Variants in ABLIM2 observed in about 807,000 individuals in gnomAD.
ABLIM2 encodes actin binding LIM protein family member 2, also known as actin-binding LIM protein 2.
In ABLIM2, 53 loss-of-function variants were observed where a neutral mutation model predicts 97.7. The ratio of observed to expected loss-of-function variants is 0.54; its 90% confidence interval spans 0.44 to 0.68. The LOEUF (loss-of-function observed/expected upper bound fraction) is 0.68, where lower values mean the gene tolerates loss of function less well. ABLIM2 is among the 30% of genes least tolerant of loss of function. The probability of loss-of-function intolerance (pLI) is 0.00; values close to 1 mark genes in which losing one functional copy is unlikely to be tolerated. For missense variants in ABLIM2, 835 were observed against 867.2 expected (o/e 0.96, Z 0.47); for synonymous variants, 361 against 345.8 (o/e 1.04, Z -0.49).
intron 1 of ABLIM2, among the ~76,000 whole-genome samples, chr4:8,111,171 A>G (rs1840113172): frequency 6.6e-6 from 1 of 152,246 alleles, no homozygotes; most frequent in Non-Finnish European, 1.5e-5. Context: ...CAACAAAAAG[A>G]AGCATGCCAT....
chr4:8,036,065 G>C (rs1468370573), intron 10 of ABLIM2, 84 bp downstream of exon 10: 4 of 1,515,260 alleles, frequency 2.6e-6, no homozygotes, highest in Middle Eastern at 2.0e-4. Context: ...TGGCCCCATA[G>C]GACACATGCT....
intron 7 of ABLIM2, 56 bp downstream of exon 7, chr4:8,060,911 A>C (rs6853485): frequency 0.85 from 1,218,140 of 1,437,780 alleles, 517,582 homozygotes; most frequent in East Asian, 0.99. Context: ...GTGTGTGGAC[A>C]TCGAAGAGGG....
Position 8,080,786 on chromosome 4 carries a change from G to A in ABLIM2, c.471C>T (p.Gly157=). The A allele has an allele frequency of 6.2e-7, 1 of 1,608,298 alleles. No individual in the cohort carries two copies. Among genetic ancestry groups the A allele is most frequent in the Non-Finnish European group, 8.5e-7 (1 of 1,176,462 alleles). ...GGGCCTGGCCATTCTTGATTTCTGTGCCGCAGCCCCCACAACCTGGAAGAA... is the reference window on the plus strand; with the variant it reads ...GGGCCTGGCCATTCTTGATTTCTGTACCGCAGCCCCCACAACCTGGAAGAA... ...SQGLRSCGGC[G]TEIKNGQALV... Residue 157 remains glycine, a synonymous_variant, in exon 5 of 21, where the codon GGC becomes GGT. Transcript: ENST00000447017.
rs945266684 is a variant in ABLIM2 at position 8,003,935 on chromosome 4, G to A, written c.1618+4124C>T. 6.6e-6 allele frequency among the ~76,000 whole-genome samples: 1 copy of A among 152,070 alleles called. No homozygotes were observed. Among genetic ancestry groups the A allele is most frequent in the African/African-American group, 2.4e-5 (1 of 41,400 alleles). On this transcript the variant is annotated intron_variant, in intron 16 of 20. Coordinates refer to ENST00000447017, the MANE Select transcript of ABLIM2 (RefSeq NM_001130083.2). This position sits in a 1 kb window ranked among gnomAD's most constrained non-coding sequence, Gnocchi z 4.2. ...CTCACGTCTCTAAGCCTGAGGCCAG[G>A]TGCCCTGCCCGTCCCACCAGATATC...
chr4:8,125,730 C>T lies in ABLIM2; in HGVS notation c.11-19093G>A, dbSNP rs187659473. 5.3e-5 allele frequency among the ~76,000 whole-genome samples: 8 copies of T among 152,332 alleles called. No individual in the cohort carries two copies. Among genetic ancestry groups the T allele is most frequent in the Non-Finnish European group, 1.0e-4 (7 of 68,026 alleles). On this transcript the variant is annotated intron_variant, in intron 1 of 20. Transcript: ENST00000447017. This position sits in a 1 kb window ranked among gnomAD's most constrained non-coding sequence, Gnocchi z 6.2. ...CGCAGACTCAGCTGAGCTGGAGAGG[C>T]CCGCCCAGCCTCTGCCATGGAAACT...
intron 1 of ABLIM2, among the ~76,000 whole-genome samples, chr4:8,145,810 A>G (rs1851709148): frequency 6.6e-6 from 1 of 151,046 alleles, no homozygotes; most frequent in South Asian, 2.1e-4. Flanking sequence ...TGCTTGTAAC[A>G]TGTCAATACC....
chr4:8,126,015 CA>C (rs1331653998), intron 1 of ABLIM2, among the ~76,000 whole-genome samples: 1 of 152,180 alleles, frequency 6.6e-6, no homozygotes, highest in East Asian at 1.9e-4. Flanking sequence ...ATGGGCAGGG[CA>C]GTGTCTCCTC....
chr4:8,073,952 T>G (rs1049857387), intron 6 of ABLIM2, among the ~76,000 whole-genome samples: 1 of 151,900 alleles, frequency 6.6e-6, no homozygotes, highest in Admixed American at 6.6e-5. Context: ...CCAGGCGTGG[T>G]GGCTCACGCC....
intron 17 of ABLIM2, among the ~76,000 whole-genome samples, chr4:7,991,861 G>T (rs1356848049): frequency 6.6e-6 from 1 of 152,166 alleles, no homozygotes; most frequent in East Asian, 1.9e-4. Context: ...GACACCCACG[G>T]CTTCTGGAGA....
Position 8,120,917 on chromosome 4 carries a change from C to A in ABLIM2, c.11-14280G>T, listed in dbSNP as rs533659186. Among the ~76,000 whole-genome samples the A allele has an allele frequency of 2.6e-5, 4 of 152,290 alleles. No homozygotes were observed. Among genetic ancestry groups the A allele is most frequent in the African/African-American group, 9.6e-5 (4 of 41,558 alleles). On this transcript the variant is annotated intron_variant, in intron 1 of 20. Coordinates refer to ENST00000447017, the MANE Select transcript of ABLIM2 (RefSeq NM_001130083.2). The surrounding 1 kb of genome is among the most constrained non-coding windows in gnomAD (Gnocchi z 5.6). ...ACCGTCTCACGTAAGAGTACTGTAC[C>A]GCAGATTGCTAGCTCAGAGAAAGAT...
chr4:8,029,470 T>A (rs1779446434), intron 11 of ABLIM2, among the ~76,000 whole-genome samples, 186 bp downstream of exon 11: 1 of 151,920 alleles, frequency 6.6e-6, no homozygotes, highest in Admixed American at 6.6e-5. Flanking sequence ...GAGGTCCTTT[T>A]CTTTATGCCA....
At chr4:7,981,422 T>C (rs1256025593) in intron 20 of ABLIM2, among the ~76,000 whole-genome samples, 2 of 152,228 alleles carry the variant, frequency 1.3e-5, no homozygotes, top group Admixed American at 6.5e-5. Context: ...CATGTATTGA[T>C]TGATGTCTTC....
chr4:8,091,555 T>G (rs1828162378), intron 3 of ABLIM2, among the ~76,000 whole-genome samples: 1 of 43,720 alleles, frequency 2.3e-5, no homozygotes, highest in South Asian at 6.5e-4. Context: ...ATATTTATAA[T>G]TATATATATT....
chr4:8,024,494 G>A (rs1231243650), intron 12 of ABLIM2, among the ~76,000 whole-genome samples: 1 of 152,208 alleles, frequency 6.6e-6, no homozygotes, highest in Admixed American at 6.5e-5. Context: ...AGGGGCCAGA[G>A]ACGCCAGAGG....
chr4:8,154,283 T>A (rs1430035319), intron 1 of ABLIM2, among the ~76,000 whole-genome samples: 2 of 41,496 alleles, frequency 4.8e-5, no homozygotes. Context: ...TTTCTTTTCT[T>A]TTTTTTTTTT....
chr4:8,061,353 C>T lies in ABLIM2; in HGVS notation c.676-299G>A, dbSNP rs575096404. On this transcript the variant is annotated intron_variant, in intron 6 of 20. Coordinates refer to ENST00000447017, the MANE Select transcript of ABLIM2 (RefSeq NM_001130083.2). This position sits in a 1 kb window ranked among gnomAD's most constrained non-coding sequence, Gnocchi z 4.5. ...GTCCAGGAGGGGTCAGCCTCCTTTA[C>T]CAGGCGGCATCCAGAGAGAGGTCTT... Among the ~76,000 whole-genome samples, 53 of 152,108 alleles carry T rather than the reference C, an allele frequency of 3.5e-4. No individual in the cohort carries two copies. Among genetic ancestry groups the T allele is most frequent in the Non-Finnish European group, 7.2e-4 (49 of 68,012 alleles).
intron 9 of ABLIM2, among the ~76,000 whole-genome samples, chr4:8,037,071 G>A (rs1172902441): frequency 6.6e-6 from 1 of 152,092 alleles, no homozygotes; most frequent in East Asian, 1.9e-4. Flanking sequence ...CAAATGTTGG[G>A]TAAATCGATG....
intron 16 of ABLIM2, among the ~76,000 whole-genome samples, chr4:8,006,686 G>GAT (rs1560557289): frequency 2.0e-5 from 3 of 152,194 alleles, no homozygotes; most frequent in Non-Finnish European, 4.4e-5. Flanking sequence ...ACCAGCCAGG[G>GAT]GCAGGGATTC....
intron 16 of ABLIM2, among the ~76,000 whole-genome samples, chr4:8,006,738 T>A (rs1056450448): frequency 3.3e-5 from 5 of 152,184 alleles, no homozygotes; most frequent in Non-Finnish European, 5.9e-5. Context: ...GGCATGCAGC[T>A]GCCCACGGGG....
Sources: allele counts gnomAD v4.1 joint callset (sites outside exome capture counted in the v4.1 genomes callset), GRCh38; gene constraint gnomAD v4.1.1; non-coding constraint Gnocchi (gnomAD v3.1); transcripts MANE v1.5; gene names NCBI Gene and HGNC (gene_info 2026-07-23, HGNC 2026-07-21).